CFAP36: variants seen among roughly 807,000 people sequenced by gnomAD.
The protein encoded by CFAP36 is cilia- and flagella-associated protein 36.
Under a neutral mutation model 50.5 loss-of-function variants are expected in CFAP36, and 37 were observed. The observed-to-expected ratio is 0.73, with a 90% CI of 0.56 to 0.96. The LOEUF is 0.96. Ranked by LOEUF, CFAP36 falls within the 50% of genes least tolerant of loss-of-function variation. The probability of loss-of-function intolerance (pLI) is 0.00; values close to 1 mark genes in which losing one functional copy is unlikely to be tolerated. For synonymous variants in CFAP36, 138 were observed against 128.2 expected (o/e 1.08, Z -0.52); for missense variants, 407 against 396.2 (o/e 1.03, Z -0.23).
intron 2 of CFAP36, among the ~76,000 whole-genome samples, chr2:55,523,290 C>T (rs1684121115): frequency 6.6e-6 from 1 of 151,720 alleles, no homozygotes; most frequent in African/African-American, 2.4e-5. Flanking sequence ...TGGCAGGCGC[C>T]TCTAGTCCCA....
At chr2:55,542,638 C>G (rs1026119067) in intron 7 of CFAP36, among the ~76,000 whole-genome samples, 3 of 152,126 alleles carry the variant, frequency 2.0e-5, no homozygotes, top group African/African-American at 7.2e-5. Flanking sequence ...TACGTATGTT[C>G]ATAATTAACA....
intron 7 of CFAP36, 96 bp downstream of exon 7, chr2:55,537,681 C>G (rs904274408): frequency 6.2e-6 from 5 of 801,970 alleles, no homozygotes; most frequent in Non-Finnish European, 9.8e-6. Flanking sequence ...ACTTCAAAAG[C>G]CCTGGGAGGG....
chr2:55,540,178 GTGT>G (rs1186947625), intron 7 of CFAP36, among the ~76,000 whole-genome samples: 2 of 152,142 alleles, frequency 1.3e-5, no homozygotes, highest in Non-Finnish European at 2.9e-5. Flanking sequence ...TGTGCCTTTG[GTGT>G]TGTATCAAAA....
intron 2 of CFAP36, among the ~76,000 whole-genome samples, 158 bp from the exon 3 acceptor site, chr2:55,523,558 TTTTAA>T (rs1194690367): frequency 1.3e-5 from 2 of 152,244 alleles, no homozygotes; most frequent in Non-Finnish European, 2.9e-5. Flanking sequence ...AAATATTAAC[TTTTAA>T]TTTGTGTTTT....
intron 6 of CFAP36, among the ~76,000 whole-genome samples, chr2:55,536,224 C>T (rs928204384): frequency 1.8e-4 from 28 of 151,528 alleles, no homozygotes; most frequent in African/African-American, 6.1e-4. Context: ...CCTCTGCCTC[C>T]GGGGTTCAAG....
At chr2:55,541,468 G>A (rs1007265075) in intron 7 of CFAP36, among the ~76,000 whole-genome samples, 4 of 152,080 alleles carry the variant, frequency 2.6e-5, no homozygotes, top group African/African-American at 9.7e-5. Flanking sequence ...ATTTTTAGGG[G>A]TGCTGTGCTA....
At chr2:55,537,660 A>G in intron 7 of CFAP36, 75 bp downstream of exon 7, 1 of 947,152 alleles carries the variant, frequency 1.1e-6, no homozygotes, top group African/African-American at 1.7e-5. Flanking sequence ...CCACTTTCTC[A>G]TACTTATTTA....
intron 1 of CFAP36, among the ~76,000 whole-genome samples, chr2:55,521,489 T>G (rs77920632): frequency 6.0e-4 from 92 of 152,224 alleles, no homozygotes; most frequent in African/African-American, 1.8e-3. Context: ...AAGAAATTAT[T>G]GCCTCATATT....
At chr2:55,523,348 G>T (rs1439439510) in intron 2 of CFAP36, among the ~76,000 whole-genome samples, 2 of 151,874 alleles carry the variant, frequency 1.3e-5, no homozygotes, top group African/African-American at 4.8e-5. Flanking sequence ...CTGGGAGGCA[G>T]AGGTTGCAGT....
At chr2:55,544,761 G>C (rs921543662) in intron 9 of CFAP36, 146 bp from the exon 10 acceptor site, 9 of 616,506 alleles carry the variant, frequency 1.5e-5, no homozygotes, top group Non-Finnish European at 2.3e-5. Context: ...ACGAAGAAGA[G>C]ATTTAGGAAA....
intron 7 of CFAP36, among the ~76,000 whole-genome samples, chr2:55,542,801 C>T (rs1198343584): frequency 6.6e-6 from 1 of 152,206 alleles, no homozygotes; most frequent in East Asian, 1.9e-4. Context: ...TAACGTCACT[C>T]TCAGTAATAA....
rs779060982 is a variant in CFAP36 at position 55,522,168 on chromosome 2, T to C, written c.180+2T>C. 9 of 1,482,646 alleles carry C rather than the reference T, an allele frequency of 6.1e-6. No homozygotes were observed. The highest frequency in any genetic ancestry group is 8.3e-6 in the Non-Finnish European group (9 of 1,084,738). The allele number at this position is 1,482,646 out of a possible 1,614,324, so 91.8% of individuals were successfully genotyped here. On this transcript the variant is annotated splice_donor_variant, in intron 2 of 9. Transcript: ENST00000349456. LOFTEE classifies it high-confidence loss of function. ...ATTCATCAGGAATACAAAGAACTAG[T>C]GAGTATTTTTTTTCACTGATTTTTA... is the stretch of plus-strand genomic sequence containing the variant.
intron 7 of CFAP36, among the ~76,000 whole-genome samples, chr2:55,538,075 T>C (rs1291864650): frequency 6.6e-6 from 1 of 152,224 alleles, no homozygotes; most frequent in Non-Finnish European, 1.5e-5. Context: ...GGAATCCTTG[T>C]AGGAAATACT....
At chr2:55,542,896 CT>C (rs1365720166) in intron 7 of CFAP36, among the ~76,000 whole-genome samples, 2 of 152,164 alleles carry the variant, frequency 1.3e-5, no homozygotes, top group Non-Finnish European at 2.9e-5. Context: ...TACAGCTTAT[CT>C]TTTCCATGGA....
chr2:55,543,800 G>A (rs1204984949), intron 7 of CFAP36, 138 bp from the exon 8 acceptor site: 8 of 816,650 alleles, frequency 9.8e-6, no homozygotes, highest in Middle Eastern at 3.7e-4. Flanking sequence ...CACAGTATAG[G>A]CACTGAATAT....
rs570666931 is a variant in CFAP36, at chr2:55,541,034, A to T, written c.641-2904A>T. 8.6e-5 allele frequency among the ~76,000 whole-genome samples: 13 copies of T among 151,688 alleles called. No homozygotes were observed. In the South Asian group the frequency reaches 1.9e-3, roughly 22 times the overall value. On this transcript the variant is annotated intron_variant, in intron 7 of 9. Coordinates refer to ENST00000349456, the MANE Select transcript of CFAP36 (RefSeq NM_080667.7). Reference sequence around the variant, plus strand: ...TCTCAAAAAAATAAAATAAAAAAATAAAAAAAAGGCCAGGAGTAGTGGCTC... The same window carrying T: ...TCTCAAAAAAATAAAATAAAAAAATTAAAAAAAGGCCAGGAGTAGTGGCTC...
chr2:55,523,356 A>G (rs1173934182), intron 2 of CFAP36, among the ~76,000 whole-genome samples: 2 of 151,842 alleles, frequency 1.3e-5, no homozygotes, highest in African/African-American at 4.8e-5. Context: ...CAGAGGTTGC[A>G]GTGAGCCGAG....
intron 5 of CFAP36, among the ~76,000 whole-genome samples, chr2:55,534,932 C>G (rs1223765335): frequency 6.6e-6 from 1 of 152,152 alleles, no homozygotes; most frequent in Non-Finnish European, 1.5e-5. Context: ...CAGTTGAACT[C>G]AACCCTTTCT....
chr2:55,530,890 T>C (rs566830542), intron 4 of CFAP36: 2 of 152,354 alleles, frequency 1.3e-5, no homozygotes, highest in South Asian at 4.1e-4. Flanking sequence ...AGTTGTATCG[T>C]TGGCTCTTAA....
Sources: allele counts gnomAD v4.1 joint callset (sites outside exome capture counted in the v4.1 genomes callset), GRCh38; gene constraint gnomAD v4.1.1; transcripts MANE v1.5; gene names NCBI Gene and HGNC (gene_info 2026-07-23, HGNC 2026-07-21).